SNX24: variants seen among roughly 807,000 people sequenced by gnomAD.
SNX24 encodes the protein sorting nexin-24.
A neutral mutation model predicts 28.7 loss-of-function variants in SNX24; 22 were observed. The observed-to-expected ratio is 0.77, with a 90% CI of 0.55 to 1.10. SNX24 has a LOEUF of 1.10. Among genes scored for constraint, SNX24 ranks in the 50% least tolerant of loss-of-function variants. SNX24 has a pLI of 0.00. For missense variants in SNX24, 221 were observed against 201.1 expected (o/e 1.10, Z -0.60); for synonymous variants, 69 against 71.5 (o/e 0.96, Z 0.18).
At chr5:123,006,628 A>G (rs986018603) in intron 6 of SNX24, among the ~76,000 whole-genome samples, 1 of 152,178 alleles carries the variant, frequency 6.6e-6, no homozygotes, top group Admixed American at 6.5e-5. Context: ...ACTCCTATCC[A>G]TTCTTCCCAG....
intron 2 of SNX24, among the ~76,000 whole-genome samples, chr5:122,943,592 T>C (rs909007336): frequency 4.6e-5 from 7 of 152,066 alleles, no homozygotes; most frequent in African/African-American, 1.7e-4. Flanking sequence ...AGAACTGAGG[T>C]CCCTTTTTTT....
chr5:122,964,293 G>A (rs974444072), intron 3 of SNX24, among the ~76,000 whole-genome samples: 1 of 148,072 alleles, frequency 6.8e-6, no homozygotes, highest in African/African-American at 2.5e-5. Context: ...TCTGAATCAG[G>A]GACAGTTTTT....
intron 5 of SNX24, chr5:123,022,723 A>C (rs1364486298): frequency 1.3e-5 from 2 of 152,458 alleles, no homozygotes; most frequent in Admixed American, 1.3e-4. Context: ...GGGCTTAAGT[A>C]ATCATCCCAC....
intron 2 of SNX24, among the ~76,000 whole-genome samples, chr5:122,944,640 C>T (rs1759603431): frequency 6.6e-6 from 1 of 152,244 alleles, no homozygotes; most frequent in South Asian, 2.1e-4. Context: ...GGGACCCAGG[C>T]TCTTGCTGCT....
chr5:122,861,880 C>T (rs1755475075), intron 1 of SNX24, among the ~76,000 whole-genome samples: 1 of 152,200 alleles, frequency 6.6e-6, no homozygotes, highest in South Asian at 2.1e-4. Context: ...TCTCTCTTTA[C>T]ACCCTCACCC....
chr5:123,016,520 T>C (rs911878213), intron 5 of SNX24, among the ~76,000 whole-genome samples: 1 of 152,144 alleles, frequency 6.6e-6, no homozygotes, highest in South Asian at 2.1e-4. Context: ...TTATCTGAGT[T>C]ATTTTTAAAA....
At chr5:122,969,091 G>T (rs1195483663) in intron 3 of SNX24, among the ~76,000 whole-genome samples, 1 of 152,088 alleles carries the variant, frequency 6.6e-6, no homozygotes, top group Non-Finnish European at 1.5e-5. Context: ...AAGTAAAATA[G>T]TGTAGTAACA....
chr5:122,947,932 A>G (rs1265687786), intron 3 of SNX24, among the ~76,000 whole-genome samples: 1 of 152,204 alleles, frequency 6.6e-6, no homozygotes, highest in African/African-American at 2.4e-5. Context: ...TCGGATATAA[A>G]TATGTGCATA....
chr5:122,867,778 C>G (rs1373472745), intron 1 of SNX24, among the ~76,000 whole-genome samples: 1 of 152,198 alleles, frequency 6.6e-6, no homozygotes, highest in Non-Finnish European at 1.5e-5. Context: ...CAAATACCTT[C>G]ACAGTTTTTT....
intron 3 of SNX24, among the ~76,000 whole-genome samples, chr5:122,948,977 A>G (rs961246835): frequency 5.3e-5 from 8 of 152,222 alleles, no homozygotes; most frequent in African/African-American, 1.9e-4. Context: ...AAGTAGATAG[A>G]TGATTTTTTA....
At chr5:122,854,743 C>G (rs1179170253) in intron 1 of SNX24, among the ~76,000 whole-genome samples, 1 of 152,126 alleles carries the variant, frequency 6.6e-6, no homozygotes, top group Non-Finnish European at 1.5e-5. Flanking sequence ...GTATCATTCT[C>G]TTCTGTACAG....
intron 3 of SNX24, among the ~76,000 whole-genome samples, chr5:122,995,708 A>T (rs1762029953): frequency 6.6e-6 from 1 of 152,162 alleles, no homozygotes; most frequent in Admixed American, 6.5e-5. Flanking sequence ...TTTTTGTCCA[A>T]ACTTGTCATA....
rs1264482324 is a variant in SNX24 at position 122,936,743 on chromosome 5, A to T, written c.70A>T (p.Ile24Leu). 2 of 1,589,692 alleles carry T rather than the reference A, an allele frequency of 1.3e-6. No individual in the cohort carries two copies. Among genetic ancestry groups the T allele is most frequent in the Non-Finnish European group, 1.7e-6 (2 of 1,160,046 alleles). The change falls in exon 2 of 7, where the codon ATA becomes TTA. Residue 24 changes from isoleucine (I) to leucine (L), a missense_variant. Transcript: ENST00000261369. ...DLERGYTVFK[I>L]EVLMNGRKHF... is the part of the protein sequence containing the mutation. ...TAAATTTTTTCCTCAGGTGTTTAAG[A>T]TAGAAGTGCTAATGAATGGAAGAAA...
intron 4 of SNX24, among the ~76,000 whole-genome samples, chr5:123,000,697 G>A (rs1328169443): frequency 6.6e-6 from 1 of 152,186 alleles, no homozygotes; most frequent in African/African-American, 2.4e-5. Context: ...ATAAGCCACT[G>A]GCCCAGCAAC....
At chr5:122,868,390 C>A (rs897957624) in intron 1 of SNX24, among the ~76,000 whole-genome samples, 1 of 152,138 alleles carries the variant, frequency 6.6e-6, no homozygotes, top group Non-Finnish European at 1.5e-5. Context: ...AGCATTCAGT[C>A]ACTACTAAGA....
chr5:122,896,472 A>G (rs904158614), intron 1 of SNX24, among the ~76,000 whole-genome samples: 5 of 152,172 alleles, frequency 3.3e-5, no homozygotes, highest in Admixed American at 1.3e-4. Flanking sequence ...CTGTCCTACC[A>G]TGTTGCCTTT....
chr5:123,009,338 A>C (rs969548000), downstream of SNX24: 14 of 423,900 alleles, frequency 3.3e-5, no homozygotes, highest in African/African-American at 6.4e-5. Flanking sequence ...TAATATGATA[A>C]GATAAATTAT....
In SNX24 at chr5:122,964,287, A is replaced by C. The variant is rs1018715858; in HGVS notation, c.249+18128A>C. On this transcript the variant is annotated intron_variant, in intron 3 of 6. Coordinates refer to ENST00000261369, the MANE Select transcript of SNX24 (RefSeq NM_014035.4). ...AAAAAAAAAAAGAACAATAGTTCTG[A>C]ATCAGGGACAGTTTTTGCCTCACAG... is the stretch of plus-strand genomic sequence containing the variant. Among the ~76,000 whole-genome samples the C allele has an allele frequency of 9.9e-4, 149 of 150,440 alleles. 1 individual carries two copies. Among genetic ancestry groups the C allele is most frequent in the South Asian group, 1.3e-3 (6 of 4,742 alleles).
intron 1 of SNX24, among the ~76,000 whole-genome samples, chr5:122,889,709 G>GTATA (rs559518023): frequency 9.1e-6 from 1 of 110,122 alleles, no homozygotes; most frequent in African/African-American, 3.8e-5. Flanking sequence ...GTATATATAT[G>GTATA]TATATATATA....
Sources: allele counts gnomAD v4.1 joint callset (sites outside exome capture counted in the v4.1 genomes callset), GRCh38; gene constraint gnomAD v4.1.1; transcripts MANE v1.5; gene names NCBI Gene and HGNC (gene_info 2026-07-23, HGNC 2026-07-21).